NDUFB2: variants seen among roughly 807,000 people sequenced by gnomAD.
NDUFB2 encodes the protein NADH dehydrogenase [ubiquinone] 1 beta subcomplex subunit 2, mitochondrial.
In NDUFB2, 13 loss-of-function variants were observed where a neutral mutation model predicts 13.4. The observed-to-expected ratio is 0.97, with a 90% CI of 0.63 to 1.54. The LOEUF is 1.54. Ranked by LOEUF, NDUFB2 falls within the 40% of genes most tolerant of loss-of-function variation. The probability of loss-of-function intolerance (pLI) is 0.00; values close to 1 mark genes in which losing one functional copy is unlikely to be tolerated. For missense variants in NDUFB2, 150 were observed against 139.7 expected (o/e 1.07, Z -0.37); for synonymous variants, 47 against 50.6 (o/e 0.93, Z 0.30).
At chr7:140,701,974 G>A (rs1431801906) in intron 1 of NDUFB2, 2 of 686,644 alleles carry the variant, frequency 2.9e-6, no homozygotes, top group Non-Finnish European at 5.3e-6. Context: ...TAGCTAACAT[G>A]TATCAAGAAC....
At position 140,704,841 on chromosome 7, in the gene NDUFB2, T is replaced by C; in HGVS notation, c.244-19T>C. 6.5e-7 allele frequency: 1 copy of C among 1,540,076 alleles called. No individual in the cohort carries two copies. The highest frequency in any genetic ancestry group is 2.3e-5 in the East Asian group (1 of 43,658). ...ATGTAAATTCTTGACTTTTCTTTCT[T>C]TTAAATGGTTGTCACCAGGGTCACT... On this transcript the variant is annotated intron_variant, in intron 2 of 3. Transcript: ENST00000247866.
intron 1 of NDUFB2, chr7:140,698,058 C>T: frequency 7.6e-7 from 1 of 1,311,198 alleles, no homozygotes; most frequent in Non-Finnish European, 1.0e-6. Context: ...TATTCTTTAA[C>T]TGTTGTTGTT....
intron 1 of NDUFB2, chr7:140,697,211 G>GGGC (rs1275414083): frequency 6.1e-6 from 4 of 650,798 alleles, no homozygotes; most frequent in East Asian, 2.7e-5. Flanking sequence ...GCGAGGCGGG[G>GGGC]GGCGGCGGCG....
intron 1 of NDUFB2, chr7:140,697,378 G>C (rs1281174389): frequency 1.4e-6 from 1 of 702,914 alleles, no homozygotes; most frequent in Non-Finnish European, 2.6e-6. Context: ...GTCGCCCAGA[G>C]AGAGCGCCGT....
intron 2 of NDUFB2, among the ~76,000 whole-genome samples, chr7:140,703,541 C>T (rs1208327149): frequency 1.3e-5 from 2 of 152,000 alleles, no homozygotes; most frequent in African/African-American, 4.8e-5. Context: ...TCCCAGAGTG[C>T]TGGGATCACA....
At chr7:140,697,507 GGGGTGCGAGGTAGGGAGC>G (rs71920389) in intron 1 of NDUFB2, 133,724 of 671,022 alleles carry the variant, frequency 0.2, 20,786 homozygotes, top group African/African-American at 0.65. Flanking sequence ...CGGAGGGCTG[GGGGTGCGAGGTAGGGAGC>G]GGGTGCGAGG....
chr7:140,699,167 A>G (rs770542815), intron 1 of NDUFB2, among the ~76,000 whole-genome samples: 37 of 152,200 alleles, frequency 2.4e-4, no homozygotes, highest in African/African-American at 8.9e-4. Flanking sequence ...CAAAAAAATA[A>G]AAATAAAAAT....
intron 1 of NDUFB2, chr7:140,698,217 G>C (rs1337116624): frequency 2.2e-6 from 3 of 1,351,974 alleles, no homozygotes; most frequent in South Asian, 2.3e-5. Context: ...AGCCATGAGC[G>C]ACAGCCCTTG....
At chr7:140,698,039 C>T in intron 1 of NDUFB2, 1 of 1,295,336 alleles carries the variant, frequency 7.7e-7, no homozygotes, top group Non-Finnish European at 1.0e-6. Flanking sequence ...CTGCTAAGGA[C>T]CGTACAAGTA....
In NDUFB2 at chr7:140,704,961, C is replaced by G; in HGVS notation, c.*27C>G. The G allele has an allele frequency of 6.8e-7, 1 of 1,460,754 alleles. No individual in the cohort carries two copies. The highest frequency in any genetic ancestry group is 9.2e-7 in the Non-Finnish European group (1 of 1,085,246). The allele number at this position is 1,460,754 out of a possible 1,614,324, so 90.5% of individuals were successfully genotyped here. On this transcript the variant is annotated splice_region_variant and 3_prime_UTR_variant, in exon 3 of 4. Coordinates refer to ENST00000247866, the MANE Select transcript of NDUFB2 (RefSeq NM_004546.3). Reference sequence around the variant, plus strand: ...GGTGTAGACTCAGCCTCACTCTGTACAAGTGGGTGTGCTCCAAATTTCTTT... The same window carrying G: ...GGTGTAGACTCAGCCTCACTCTGTAGAAGTGGGTGTGCTCCAAATTTCTTT...
In NDUFB2 at chr7:140,702,108, T is replaced by C. The variant is rs1356907081; in HGVS notation, c.99-758T>C. 2.5e-5 allele frequency: 17 copies of C among 684,278 alleles called. No individual in the cohort carries two copies. In the East Asian group the frequency reaches 4.1e-4, roughly 16 times the overall value. The allele number at this position is 684,278 out of a possible 1,614,324, so 42.4% of individuals were successfully genotyped here. A position where few individuals can be genotyped will look rare whatever the true frequency, so the allele number is the denominator to read the frequency against. On this transcript the variant is annotated intron_variant, in intron 1 of 3. Transcript: ENST00000247866. ...AATATGGTTTACAAGCTGATTCTTA[T>C]CTAGATGAAATTGGTAAACATATTT...
intron 1 of NDUFB2, 85 bp downstream of exon 1, chr7:140,696,927 G>C: frequency 8.0e-7 from 1 of 1,251,934 alleles, no homozygotes; most frequent in Non-Finnish European, 1.1e-6. Flanking sequence ...TGACTGGGGC[G>C]CCTGAAGAGG....
At chr7:140,698,797 C>T (rs1292975055) in intron 1 of NDUFB2, among the ~76,000 whole-genome samples, 1 of 152,094 alleles carries the variant, frequency 6.6e-6, no homozygotes, top group African/African-American at 2.4e-5. Context: ...GAATTTTATT[C>T]TAAGAATCAC....
At chr7:140,696,972 C>A (rs1209632786) in intron 1 of NDUFB2, 130 bp downstream of exon 1, 4 of 824,456 alleles carry the variant, frequency 4.9e-6, no homozygotes, top group Admixed American at 2.5e-5. Flanking sequence ...CTGTAGTCCG[C>A]GTGTCTCCTG....
chr7:140,703,945 C>T (rs1053154154), intron 2 of NDUFB2, among the ~76,000 whole-genome samples: 4 of 152,052 alleles, frequency 2.6e-5, no homozygotes, highest in African/African-American at 4.8e-5. Flanking sequence ...TTAGTAGAGA[C>T]GGGGTTTCAC....
At chr7:140,703,719 T>C (rs1794928769) in intron 2 of NDUFB2, among the ~76,000 whole-genome samples, 1 of 152,100 alleles carries the variant, frequency 6.6e-6, no homozygotes, top group African/African-American at 2.4e-5. Context: ...TGAGTTAATT[T>C]GTCTTGAGAA....
intron 1 of NDUFB2, 120 bp from the exon 2 acceptor site, chr7:140,702,746 A>G (rs935376194): frequency 1.6e-5 from 19 of 1,163,024 alleles, no homozygotes; most frequent in Non-Finnish European, 1.9e-5. Flanking sequence ...ACTTCTGTCT[A>G]TATTTCAGTG....
intron 2 of NDUFB2, among the ~76,000 whole-genome samples, chr7:140,703,946 G>T (rs772509337): frequency 6.6e-6 from 1 of 151,872 alleles, no homozygotes; most frequent in African/African-American, 2.4e-5. Context: ...TAGTAGAGAC[G>T]GGGTTTCACC....
At position 140,706,594 on chromosome 7, in the gene NDUFB2, T is replaced by C. The variant is rs1379698775; in HGVS notation, c.*61T>C. ...GGTGAGAATTTCAAGGATTATCGACTTCATATTGCACATTAAAGTTACAAA... is the reference window on the plus strand; with the variant it reads ...GGTGAGAATTTCAAGGATTATCGACCTCATATTGCACATTAAAGTTACAAA... On this transcript the variant is annotated 3_prime_UTR_variant, in exon 4 of 4. Coordinates refer to ENST00000247866, the MANE Select transcript of NDUFB2 (RefSeq NM_004546.3). The C allele has an allele frequency of 6.6e-6, 1 of 151,504 alleles. No homozygotes were observed. Among genetic ancestry groups the C allele is most frequent in the Non-Finnish European group, 1.5e-5 (1 of 67,918 alleles). The allele number at this position is 151,504 out of a possible 1,614,324, so 9.4% of individuals were successfully genotyped here. A position where few individuals can be genotyped will look rare whatever the true frequency, so the allele number is the denominator to read the frequency against.
Sources: gnomAD v4.1 joint callset for allele counts (sites outside exome capture counted in the v4.1 genomes callset) on GRCh38, gnomAD v4.1.1 for gene constraint, MANE v1.5 for transcripts, NCBI Gene and HGNC (gene_info 2026-07-23, HGNC 2026-07-21) for gene names.